NF1: variants seen among roughly 807,000 people sequenced by gnomAD.
The protein encoded by NF1 is neurofibromin 1, also known as neurofibromin.
NF1 carries 122 observed loss-of-function variants against 325.7 expected under a neutral mutation model. That is an observed-to-expected ratio of 0.37 (90% CI 0.32 to 0.44). The LOEUF is 0.44. Among genes scored for constraint, NF1 ranks in the 20% least tolerant of loss-of-function variants. NF1 has a pLI of 1.00. For synonymous variants in NF1, 1,091 were observed against 1,186.0 expected, an observed-to-expected ratio of 0.92 and a Z score of 1.65; for missense variants, 2,140 against 3,415.4, an observed-to-expected ratio of 0.63 and a Z score of 9.31.
chr17:31,329,066 C>T (rs17878607), intron 38 of NF1, among the ~76,000 whole-genome samples: 7,365 of 152,052 alleles, frequency 0.048, 565 homozygotes, highest in African/African-American at 0.17. Context: ...GAGGCTGAGG[C>T]GGGAGGACAG....
chr17:31,135,726 C>G (rs969976416), intron 1 of NF1, among the ~76,000 whole-genome samples: 2 of 151,840 alleles, frequency 1.3e-5, no homozygotes, highest in East Asian at 3.9e-4. Context: ...GCCATCTTGT[C>G]TAGATAATTA....
intron 36 of NF1, among the ~76,000 whole-genome samples, chr17:31,300,276 TCTG>T (rs969752733): frequency 9.9e-5 from 15 of 152,034 alleles, no homozygotes; most frequent in African/African-American, 3.6e-4. Flanking sequence ...TTTCCTTCCT[TCTG>T]CTATTAGTAA....
intron 3 of NF1, among the ~76,000 whole-genome samples, chr17:31,162,163 T>G (rs1237060177): frequency 6.6e-6 from 1 of 151,760 alleles, no homozygotes; most frequent in African/African-American, 2.4e-5. Flanking sequence ...CTGGCCCACT[T>G]AAAGTCATGG....
chr17:31,319,191 T>A (rs2069113176), intron 36 of NF1, among the ~76,000 whole-genome samples: 1 of 152,202 alleles, frequency 6.6e-6, no homozygotes, highest in African/African-American at 2.4e-5. Context: ...TCTATTCAGC[T>A]ATGTATGAAG....
chr17:31,216,432 T>TA (rs1227761932), intron 13 of NF1, among the ~76,000 whole-genome samples: 11 of 152,342 alleles, frequency 7.2e-5, no homozygotes, highest in Admixed American at 2.0e-4. Flanking sequence ...GTCTTTTACA[T>TA]AAAAAATCTG....
At position 31,229,678 on chromosome 17, in the gene NF1, A is replaced by G. The variant is rs913678276; in HGVS notation, c.2851-157A>G. ...GCCTAAGGGTATACGTGCCCTGTGT[A>G]TGGGTACGAGTGTCTGCGTATATCT... On this transcript the variant is annotated intron_variant, in intron 21 of 57. Transcript: ENST00000358273. 1.6e-5 allele frequency: 16 copies of G among 1,022,166 alleles called. No individual in the cohort carries two copies. The African/African-American group carries it at 2.5e-4, about 16-fold the overall frequency. The allele number at this position is 1,022,166 out of a possible 1,614,324, so 63.3% of individuals were successfully genotyped here. A position where few individuals can be genotyped will look rare whatever the true frequency, so the allele number is the denominator to read the frequency against.
intron 36 of NF1, among the ~76,000 whole-genome samples, chr17:31,308,124 TTAAGA>T (rs1479223860): frequency 6.6e-6 from 1 of 152,148 alleles, no homozygotes; most frequent in Non-Finnish European, 1.5e-5. Flanking sequence ...TTAATTTCTG[TTAAGA>T]TAAAACTTCC....
intron 1 of NF1, among the ~76,000 whole-genome samples, chr17:31,118,504 T>C (rs1301144707): frequency 6.6e-6 from 1 of 152,108 alleles, no homozygotes; most frequent in African/African-American, 2.4e-5. Context: ...TGTGTTTTCA[T>C]TGCTCAACTC....
intron 1 of NF1, among the ~76,000 whole-genome samples, chr17:31,142,630 G>T (rs1246188688): frequency 6.6e-6 from 1 of 152,166 alleles, no homozygotes. Context: ...CACTTTGGGA[G>T]GCCAAGGTGG....
chr17:31,240,530 G>C (rs146464084), intron 29 of NF1, among the ~76,000 whole-genome samples: 2 of 152,276 alleles, frequency 1.3e-5, no homozygotes, highest in African/African-American at 4.8e-5. Context: ...GAATAGTGCT[G>C]CAACAAACAT....
intron 36 of NF1, among the ~76,000 whole-genome samples, chr17:31,278,959 T>G (rs1426770270): frequency 6.6e-6 from 1 of 152,104 alleles, no homozygotes; most frequent in Non-Finnish European, 1.5e-5. Context: ...TGAAATGAGG[T>G]CAGCTTCAGT....
intron 15 of NF1, chr17:31,222,523 A>G (rs1297702729): frequency 2.9e-6 from 3 of 1,025,926 alleles, no homozygotes; most frequent in Non-Finnish European, 3.5e-6. Context: ...GTGCTAAGTT[A>G]CTTGGCAGCT....
At chr17:31,166,299 C>G (rs2065843850) in intron 4 of NF1, among the ~76,000 whole-genome samples, 1 of 152,020 alleles carries the variant, frequency 6.6e-6, no homozygotes, top group Admixed American at 6.6e-5. Context: ...TTATATGTCT[C>G]TGATCATTTA....
intron 50 of NF1, among the ~76,000 whole-genome samples, chr17:31,351,495 C>T (rs917746815): frequency 3.3e-5 from 5 of 152,188 alleles, no homozygotes; most frequent in Non-Finnish European, 7.3e-5. Context: ...CGGCTCACTA[C>T]AACCTCCGCC....
At chr17:31,241,192 T>C (rs888635230) in intron 29 of NF1, among the ~76,000 whole-genome samples, 2 of 152,196 alleles carry the variant, frequency 1.3e-5, no homozygotes, top group African/African-American at 4.8e-5. Flanking sequence ...AATATCTTTT[T>C]TCTTTGCTTT....
intron 36 of NF1, chr17:31,272,077 A>G (rs1331096038): frequency 6.6e-6 from 1 of 152,212 alleles, no homozygotes; most frequent in Non-Finnish European, 1.5e-5. Flanking sequence ...AAAACATCAT[A>G]TTAAGTTAAT....
At chr17:31,179,046 A>G (rs2066077154) in intron 5 of NF1, among the ~76,000 whole-genome samples, 3 of 152,192 alleles carry the variant, frequency 2.0e-5, no homozygotes, top group African/African-American at 7.2e-5. Flanking sequence ...CTCCACCCCA[A>G]ATCAACAGAA....
intron 48 of NF1, among the ~76,000 whole-genome samples, chr17:31,348,147 A>G (rs572141504): frequency 1.2e-5 from 1 of 85,930 alleles, no homozygotes; most frequent in East Asian, 2.5e-4. Context: ...TGAGGAAGGA[A>G]AATTGCACAA....
At chr17:31,152,729 A>G (rs543766087) in intron 1 of NF1, among the ~76,000 whole-genome samples, 1 of 147,496 alleles carries the variant, frequency 6.8e-6, no homozygotes, top group South Asian at 2.2e-4. Flanking sequence ...CATTTTCTTA[A>G]TTTCTCTTGG....
Sources: allele counts gnomAD v4.1 joint callset (sites outside exome capture counted in the v4.1 genomes callset), GRCh38; gene constraint gnomAD v4.1.1; transcripts MANE v1.5; gene names NCBI Gene and HGNC (gene_info 2026-07-23, HGNC 2026-07-21).